Variants in SMC1A observed in about 807,000 individuals in gnomAD.
SMC1A encodes structural maintenance of chromosomes protein 1A.
A neutral mutation model predicts 94.5 loss-of-function variants in SMC1A; 4 were observed. The observed-to-expected ratio is 0.04, with a 90% CI of 0.02 to 0.10. The LOEUF is 0.10. SMC1A is among the 10% of genes least tolerant of loss of function. The pLI is 1.00. For missense variants in SMC1A, 304 were observed against 989.0 expected, an observed-to-expected ratio of 0.31 and a Z score of 9.29; for synonymous variants, 345 against 347.7, an observed-to-expected ratio of 0.99 and a Z score of 0.09.
chrX:53,409,301 T>G (rs1264008), intron 8 of SMC1A, 32 bp from the exon 9 acceptor site: 60,244 of 1,188,849 alleles, frequency 0.051, 1,282 homozygotes, highest in Non-Finnish European at 0.059. Flanking sequence ...GAGTTACTCC[T>G]GCTGGTGAGA....
intron 19 of SMC1A, among the ~76,000 whole-genome samples, chrX:53,387,286 C>A (rs1023928918): frequency 1.8e-5 from 2 of 112,069 alleles, no homozygotes; most frequent in Admixed American, 1.9e-4. Flanking sequence ...TGAGCCACTG[C>A]GCCTGGCCCT....
intron 1 of SMC1A, chrX:53,421,993 T>C (rs782281466): frequency 1.7e-6 from 2 of 1,206,560 alleles, no homozygotes; most frequent in Admixed American, 4.4e-5. Context: ...CAGAGAAGAG[T>C]AGAAAGGAGT....
chrX:53,422,151 G>C (rs2075760996), intron 1 of SMC1A: 2 of 887,932 alleles, frequency 2.3e-6, no homozygotes, highest in Non-Finnish European at 3.1e-6. Context: ...CGGCCGGTCC[G>C]GCGGGGAGCC....
chrX:53,416,889 C>T (rs886795245), intron 1 of SMC1A, among the ~76,000 whole-genome samples: 9 of 111,515 alleles, frequency 8.1e-5, no homozygotes, highest in Non-Finnish European at 1.5e-4. Flanking sequence ...ATGAAACACA[C>T]AGCATCATTT....
intron 13 of SMC1A, among the ~76,000 whole-genome samples, chrX:53,404,173 C>T (rs2075682156): frequency 2.7e-5 from 3 of 111,167 alleles, no homozygotes. Context: ...CCCCTGGGGG[C>T]AGAGTTGTTT....
At chrX:53,384,264 C>CT (rs781943811) in intron 19 of SMC1A, among the ~76,000 whole-genome samples, 5,227 of 95,765 alleles carry the variant, frequency 0.055, 133 homozygotes, top group Middle Eastern at 0.069. Flanking sequence ...CCTTTTTAGA[C>CT]TTTTTTTTTT....
At chrX:53,417,507 C>T (rs920746583) in intron 1 of SMC1A, among the ~76,000 whole-genome samples, 124 of 102,300 alleles carry the variant, frequency 1.2e-3, no homozygotes, top group Non-Finnish European at 1.7e-3. Context: ...GCCAAGATCA[C>T]GCCATTGCAC....
intron 19 of SMC1A, among the ~76,000 whole-genome samples, chrX:53,394,376 CG>C (rs1211689940): frequency 5.9e-4 from 65 of 109,457 alleles, no homozygotes; most frequent in South Asian, 1.2e-3. Context: ...GCGGAAGCCA[CG>C]GAAGTAAAGT....
At chrX:53,381,211 AC>A in intron 22 of SMC1A, 124 bp from the exon 23 acceptor site, 1 of 471,068 alleles carries the variant, frequency 2.1e-6, no homozygotes, top group Non-Finnish European at 3.7e-6. Flanking sequence ...AAACTAAAAA[AC>A]CCAGGTCTCA....
chrX:53,402,885 A>AAAAAAG (rs1447321369), intron 15 of SMC1A, among the ~76,000 whole-genome samples: 2 of 86,961 alleles, frequency 2.3e-5, no homozygotes, highest in African/African-American at 9.0e-5. Flanking sequence ...AAAAAAAAAA[A>AAAAAAG]GGGCCGGCAA....
rs1294707873 is a variant in SMC1A at position 53,375,055 on chromosome X, C to G, written c.*5048G>C. 8.9e-6 allele frequency: 1 copy of G among 112,759 alleles called. No homozygotes were observed. The highest frequency in any genetic ancestry group is 9.4e-5 in the Admixed American group (1 of 10,667). 9.3% of individuals were successfully genotyped at this position (112,759 alleles called of 1,213,427 possible). The stretch of plus-strand genomic sequence containing the variant: ...CCCTTGAACCAGACACTATCCACAT[C>G]TAGCTATCTGTGGCCAGGATTGTGA... On this transcript the variant is annotated 3_prime_UTR_variant, in exon 25 of 25. Transcript: ENST00000322213.
At chrX:53,404,884 T>A in intron 13 of SMC1A, 128 bp downstream of exon 13, 1 of 771,169 alleles carries the variant, frequency 1.3e-6, no homozygotes, top group East Asian at 3.5e-5. Context: ...GACTCTATGC[T>A]ATACCTGACT....
At chrX:53,403,375 T>A (rs781901504) in intron 15 of SMC1A, among the ~76,000 whole-genome samples, 191 bp downstream of exon 15, 12 of 110,278 alleles carry the variant, frequency 1.1e-4, no homozygotes, top group Non-Finnish European at 1.7e-4. Flanking sequence ...AAATCAAGTT[T>A]AGAGTTGGCA....
intron 15 of SMC1A, among the ~76,000 whole-genome samples, chrX:53,402,130 TAC>T (rs1556888996): frequency 9.0e-6 from 1 of 111,526 alleles, no homozygotes; most frequent in Non-Finnish European, 1.9e-5. Context: ...AGGAAAGAAA[TAC>T]AGTCTGATTC....
At chrX:53,395,027 G>C in intron 18 of SMC1A, 139 bp from the exon 19 acceptor site, 1 of 503,044 alleles carries the variant, frequency 2.0e-6, no homozygotes. Flanking sequence ...AGGCTTTGCA[G>C]GCAGAATGAC....
At chrX:53,412,756 A>G (rs1160723856) in intron 5 of SMC1A, 144 bp downstream of exon 5, 2 of 939,579 alleles carry the variant, frequency 2.1e-6, no homozygotes, top group African/African-American at 3.8e-5. Context: ...GCAAGTCAAG[A>G]AATGTGCCTG....
intron 19 of SMC1A, among the ~76,000 whole-genome samples, chrX:53,390,136 A>G (rs2075622193): frequency 1.0e-5 from 1 of 96,961 alleles, no homozygotes; most frequent in Non-Finnish European, 2.1e-5. Context: ...GAGCCACCGC[A>G]CCCGGCCCAG....
chrX:53,403,664 A>G lies in SMC1A; in HGVS notation c.2322T>C (p.Asp774=). 1 of 1,204,215 alleles carries G rather than the reference A, an allele frequency of 8.3e-7. No homozygotes were observed. Among genetic ancestry groups the G allele is most frequent in the Non-Finnish European group, 1.1e-6 (1 of 890,633 alleles). The change falls in exon 15 of 25, where the codon GAT becomes GAC. Residue 774 remains aspartate (D), a synonymous_variant. Transcript: ENST00000322213. ...DLKEKMNQVE[D]EVFEEFCREI... The stretch of plus-strand genomic sequence containing the variant: ...CCCGACAAAACTCTTCAAACACCTC[A>G]TCCTCTACCTGAGAAGAGAAGCCAG...
intron 1 of SMC1A, chrX:53,422,032 G>A (rs2075759746): frequency 2.5e-6 from 3 of 1,209,770 alleles, no homozygotes; most frequent in East Asian, 3.0e-5. Context: ...GGCGAGAGAG[G>A]ACGCTGGGCT....
Sources: gnomAD v4.1 joint callset for allele counts (sites outside exome capture counted in the v4.1 genomes callset) on GRCh38, gnomAD v4.1.1 for gene constraint, MANE v1.5 for transcripts, NCBI Gene and HGNC (gene_info 2026-07-23, HGNC 2026-07-21) for gene names.